Variants in AGTPBP1 observed in about 807,000 individuals in gnomAD.
AGTPBP1 encodes the protein cytosolic carboxypeptidase 1.
Under a neutral mutation model 143.9 loss-of-function variants are expected in AGTPBP1, and 70 were observed. The ratio of observed to expected loss-of-function variants is 0.49; its 90% CI spans 0.40 to 0.59. The LOEUF is 0.59. Among genes scored for constraint, AGTPBP1 ranks in the 20% least tolerant of loss-of-function variants. The pLI is 0.00. For synonymous variants in AGTPBP1, 463 were observed against 500.2 expected, an observed-to-expected ratio of 0.93 and a Z score of 0.99; for missense variants, 1,229 against 1,464.5, an observed-to-expected ratio of 0.84 and a Z score of 2.62.
Position 85,677,420 on chromosome 9 carries a change from A to G in AGTPBP1, c.436+16T>C. Reference sequence around the variant, plus strand: ...ATAGTTCTAGATACAATAATCATACAAATGAAATCCCTTACCTTTTGGTCC... The same window carrying G: ...ATAGTTCTAGATACAATAATCATACGAATGAAATCCCTTACCTTTTGGTCC... On this transcript the variant is annotated intron_variant, in intron 6 of 25. Transcript: ENST00000357081. The G allele has an allele frequency of 6.2e-7, 1 of 1,603,090 alleles. No homozygotes were observed. Among genetic ancestry groups the G allele is most frequent in the Non-Finnish European group, 8.5e-7 (1 of 1,175,450 alleles).
the AGTPBP1 span, among the ~76,000 whole-genome samples, chr9:85,772,691 T>C: frequency 6.6e-6 from 1 of 152,000 alleles, no homozygotes; most frequent in African/African-American, 2.4e-5. Flanking sequence ...AGTTGGAAGC[T>C]GCAGTGAACT....
At chr9:85,645,294 G>A (rs1368304319) in intron 12 of AGTPBP1, among the ~76,000 whole-genome samples, 3 of 152,136 alleles carry the variant, frequency 2.0e-5, no homozygotes, top group Non-Finnish European at 4.4e-5. Context: ...ATACCCCAGT[G>A]AATAGTGAAT....
chr9:85,586,497 T>C (rs898481848), intron 22 of AGTPBP1, among the ~76,000 whole-genome samples: 1 of 152,156 alleles, frequency 6.6e-6, no homozygotes, highest in African/African-American at 2.4e-5. Flanking sequence ...ACATTTCCCC[T>C]GTGTGTAGTA....
At chr9:85,751,848 C>G in the AGTPBP1 span, among the ~76,000 whole-genome samples, 1 of 150,672 alleles carries the variant, frequency 6.6e-6, no homozygotes, top group East Asian at 2.1e-4. Flanking sequence ...CTCAGGTGAT[C>G]AGCCTGCCTC....
At chr9:85,677,325 T>C (rs1208935906) in intron 6 of AGTPBP1, 111 bp downstream of exon 6, 8 of 967,084 alleles carry the variant, frequency 8.3e-6, no homozygotes, top group East Asian at 2.7e-5. Flanking sequence ...TGTGTATCCA[T>C]AGAAATTTAA....
At chr9:85,609,154 C>T (rs1333849534) in intron 17 of AGTPBP1, among the ~76,000 whole-genome samples, 2 of 151,918 alleles carry the variant, frequency 1.3e-5, no homozygotes, top group Admixed American at 1.3e-4. Flanking sequence ...TATGTACCTA[C>T]AAATATGGAA....
At chr9:85,600,612 C>A (rs1449369495) in intron 17 of AGTPBP1, among the ~76,000 whole-genome samples, 2 of 152,084 alleles carry the variant, frequency 1.3e-5, no homozygotes, top group African/African-American at 4.8e-5. Context: ...TCTCAGTGGT[C>A]CACATCCGCA....
chr9:85,736,969 G>GGT (rs1823833712), intron 1 of AGTPBP1, among the ~76,000 whole-genome samples: 1 of 152,200 alleles, frequency 6.6e-6, no homozygotes, highest in Non-Finnish European at 1.5e-5. Context: ...AGCCAGGCGT[G>GGT]GTGGTAGGCG....
intron 1 of AGTPBP1, among the ~76,000 whole-genome samples, chr9:85,725,307 TA>T (rs200436624): frequency 2.6e-5 from 4 of 151,356 alleles, no homozygotes; most frequent in African/African-American, 4.9e-5. Context: ...ACAAAAAAAT[TA>T]AAAAAAAAAT....
At chr9:85,726,051 C>T (rs1838459134) in intron 1 of AGTPBP1, among the ~76,000 whole-genome samples, 1 of 107,296 alleles carries the variant, frequency 9.3e-6, no homozygotes. Context: ...AGCAAGACTC[C>T]ATCTCAAAAA....
chr9:85,767,390 C>T, the AGTPBP1 span, among the ~76,000 whole-genome samples: 1 of 149,038 alleles, frequency 6.7e-6, no homozygotes, highest in African/African-American at 2.5e-5. Flanking sequence ...GCTCTGTCAC[C>T]AGGCTGGAGT....
At chr9:85,770,328 G>C in the AGTPBP1 span, 1 of 1,606,980 alleles carries the variant, frequency 6.2e-7, no homozygotes, top group Non-Finnish European at 8.5e-7. Context: ...TTGAAGCTTT[G>C]GAAGCTGCAA....
At chr9:85,684,124 A>G (rs1587896191) in intron 3 of AGTPBP1, among the ~76,000 whole-genome samples, 1 of 152,218 alleles carries the variant, frequency 6.6e-6, no homozygotes, top group South Asian at 2.1e-4. Flanking sequence ...CACATCCATC[A>G]CCATCTGCCC....
At chr9:85,771,934 C>T in the AGTPBP1 span, among the ~76,000 whole-genome samples, 6 of 151,726 alleles carry the variant, frequency 4.0e-5, no homozygotes, top group Non-Finnish European at 7.4e-5. Flanking sequence ...GCTGGGATTA[C>T]AGGCGTGAGC....
chr9:85,629,841 GA>G (rs1461904122), intron 14 of AGTPBP1, among the ~76,000 whole-genome samples: 1 of 152,126 alleles, frequency 6.6e-6, no homozygotes, highest in East Asian at 1.9e-4. Context: ...CTTGACCGAT[GA>G]AAGCTTTCAT....
rs1322366882 is a variant in AGTPBP1 at position 85,596,251 on chromosome 9, A to C, written c.2423+111T>G. On this transcript the variant is annotated intron_variant, in intron 18 of 25. Transcript: ENST00000357081. ...TAGAATTACTAAAGCATAGCACCACAATTCAAAGTATGCAATAATAACTCT... is the reference window on the plus strand; with the variant it reads ...TAGAATTACTAAAGCATAGCACCACCATTCAAAGTATGCAATAATAACTCT... 9.9e-6 allele frequency: 7 copies of C among 706,430 alleles called. No individual in the cohort carries two copies. The East Asian group carries it at 1.7e-4, about 17-fold the overall frequency. The allele number at this position is 706,430 out of a possible 1,614,324, so 43.8% of individuals were successfully genotyped here.
At chr9:85,650,223 T>C (rs1453979066) in intron 11 of AGTPBP1, among the ~76,000 whole-genome samples, 1 of 152,128 alleles carries the variant, frequency 6.6e-6, no homozygotes, top group Non-Finnish European at 1.5e-5. Context: ...CATATTTTCC[T>C]AAAATATTGT....
At chr9:85,683,567 A>G (rs1054536605) in intron 3 of AGTPBP1, among the ~76,000 whole-genome samples, 4 of 152,164 alleles carry the variant, frequency 2.6e-5, no homozygotes, top group African/African-American at 9.7e-5. Flanking sequence ...TTAGACTAAC[A>G]GTTTTCTACT....
intron 3 of AGTPBP1, among the ~76,000 whole-genome samples, chr9:85,691,868 A>T (rs1480725776): frequency 1.3e-5 from 2 of 152,216 alleles, no homozygotes; most frequent in Admixed American, 6.5e-5. Flanking sequence ...ATATAAAAAA[A>T]GTCTAATTAC....
Sources: allele counts gnomAD v4.1 joint callset (sites outside exome capture counted in the v4.1 genomes callset), GRCh38; gene constraint gnomAD v4.1.1; transcripts MANE v1.5; gene names NCBI Gene and HGNC (gene_info 2026-07-23, HGNC 2026-07-21).